The following KIF23 variants were observed in gnomAD, a reference collection of about 807,000 sequenced individuals.
The protein encoded by KIF23 is kinesin-like protein KIF23.
KIF23 carries 30 observed loss-of-function variants against 137.5 expected under a neutral mutation model. The observed-to-expected ratio is 0.22, with a 90% CI of 0.16 to 0.30. The LOEUF is 0.30. Among genes scored for constraint, KIF23 ranks in the 10% least tolerant of loss-of-function variants. The probability of loss-of-function intolerance (pLI) is 1.00; values close to 1 mark genes in which losing one functional copy is unlikely to be tolerated. For missense variants in KIF23, 920 were observed against 1,194.3 expected, an observed-to-expected ratio of 0.77 and a Z score of 3.38; for synonymous variants, 367 against 391.1, an observed-to-expected ratio of 0.94 and a Z score of 0.73.
At position 69,441,080 on chromosome 15, in the gene KIF23, G is replaced by A. The variant is rs1266628136; in HGVS notation, c.2421+1G>A. ...AATAGAAGAGGATCATTGCGGCAGG[G>A]TTAGTGCCAGTATTATTTTAACGCA... is the stretch of plus-strand genomic sequence containing the variant. On this transcript the variant is annotated splice_donor_variant, in intron 19 of 23. Coordinates refer to ENST00000679126, the MANE Select transcript of KIF23 (RefSeq NM_001367805.3). LOFTEE classifies it high-confidence loss of function. The A allele has an allele frequency of 1.2e-6, 2 of 1,600,500 alleles. No individual in the cohort carries two copies. The highest frequency in any genetic ancestry group is 1.7e-6 in the Non-Finnish European group (2 of 1,171,458).
intron 19 of KIF23, among the ~76,000 whole-genome samples, chr15:69,443,454 T>G (rs748000884): frequency 4.9e-5 from 7 of 143,128 alleles, no homozygotes; most frequent in Non-Finnish European, 7.6e-5. Flanking sequence ...TCGTTCTACC[T>G]CAGCCTCCTG....
chr15:69,437,437 C>T (rs936095709), intron 15 of KIF23, among the ~76,000 whole-genome samples: 1 of 149,126 alleles, frequency 6.7e-6, no homozygotes, highest in Admixed American at 6.7e-5. Context: ...GAATGTATCT[C>T]AGTGAATGAA....
In KIF23 at chr15:69,446,751, G is replaced by A. The variant is rs147037989; in HGVS notation, c.2839-120G>A. ...GAGTGACTGGTGTTTTAACGTAAGA[G>A]TCTTTGCTGAACTAGAAAGCAATAT... On this transcript the variant is annotated intron_variant, in intron 22 of 23. Transcript: ENST00000679126. The A allele has an allele frequency of 4.5e-4, 407 of 899,156 alleles. 4 individuals carry two copies. In the East Asian group the frequency reaches 9.7e-3, roughly 21 times the overall value. The allele number at this position is 899,156 out of a possible 1,614,324, so 55.7% of individuals were successfully genotyped here. A position where few individuals can be genotyped will look rare whatever the true frequency, so the allele number is the denominator to read the frequency against.
intron 18 of KIF23, 75 bp downstream of exon 18, chr15:69,440,562 G>A (rs1384303240): frequency 4.4e-6 from 6 of 1,352,198 alleles, no homozygotes; most frequent in Non-Finnish European, 6.0e-6. Context: ...TTTCTATGAG[G>A]ATTTTTACAT....
chr15:69,426,127 A>T lies in KIF23; in HGVS notation c.834A>T (p.Gly278=). 2 of 1,609,936 alleles carry T rather than the reference A, an allele frequency of 1.2e-6. No individual in the cohort carries two copies. The highest frequency in any genetic ancestry group is 1.7e-6 in the Non-Finnish European group (2 of 1,179,244). Residue 278 remains glycine, a synonymous_variant, in exon 9 of 24, where the codon GGA becomes GGT. Transcript: ENST00000679126. ...EDKNHNMYVA[G]CTEVEVKSTE... is the part of the protein sequence containing the mutation. ...AGAACCATAACATGTATGTTGCAGGATGTACAGAAGTTGAAGTGAAATCTA... is the reference window on the plus strand; with the variant it reads ...AGAACCATAACATGTATGTTGCAGGTTGTACAGAAGTTGAAGTGAAATCTA...
At chr15:69,443,040 G>A (rs1209030106) in intron 19 of KIF23, among the ~76,000 whole-genome samples, 3 of 152,134 alleles carry the variant, frequency 2.0e-5, no homozygotes, top group Non-Finnish European at 4.4e-5. Context: ...TTGCTAAATG[G>A]TAGATGATAA....
chr15:69,426,336 G>C lies in KIF23; in HGVS notation c.890G>C (p.Gly297Ala). 1 of 1,614,030 alleles carries C rather than the reference G, an allele frequency of 6.2e-7. No homozygotes were observed. Among genetic ancestry groups the C allele is most frequent in the African/African-American group, 1.3e-5 (1 of 75,012 alleles). The change falls in exon 10 of 24, where the codon GGC becomes GCC. Residue 297 changes from glycine to alanine, a missense_variant and splice_region_variant. Gly to Ala is a moderately conservative substitution (Grantham distance 60, BLOSUM62 0). Coordinates refer to ENST00000679126, the MANE Select transcript of KIF23 (RefSeq NM_001367805.3). ...ACCAATGATTTCTCTGTTGTCCTAG[G>C]CCAGAAAAAGAGACGTATTGCTAAT... ...TEEAFEVFWR[G>A]QKKRRIANTH...
chr15:69,426,284 A>AT (rs2057189296), intron 9 of KIF23, 52 bp from the exon 10 acceptor site: 1 of 1,609,836 alleles, frequency 6.2e-7, no homozygotes, highest in Admixed American at 1.7e-5. Context: ...GAAAGCATGT[A>AT]TAATGAAATG....
Position 69,440,039 on chromosome 15 carries a change from A to G in KIF23, c.1891A>G (p.Met631Val), listed in dbSNP as rs1488098746. 1 of 1,613,938 alleles carries G rather than the reference A, an allele frequency of 6.2e-7. No homozygotes were observed. The highest frequency in any genetic ancestry group is 1.1e-5 in the South Asian group (1 of 91,062). ...KRRLEARLQG[M>V]VTETTMKWEK... ...CAGATTAGAAGCCAGGTTGCAAGGCATGGTGACAGAAACGACAATGAAGTG... is the reference window on the plus strand; with the variant it reads ...CAGATTAGAAGCCAGGTTGCAAGGCGTGGTGACAGAAACGACAATGAAGTG... The change falls in exon 17 of 24, where the codon ATG (methionine) becomes GTG (valine). Residue 631 changes from methionine to valine, a missense_variant. This residue lies in a region of KIF23 where 714 missense variants were observed against 866.2 expected (regional missense o/e 0.82). Coordinates refer to ENST00000679126, the MANE Select transcript of KIF23 (RefSeq NM_001367805.3).
intron 19 of KIF23, among the ~76,000 whole-genome samples, chr15:69,443,326 G>GTTTTT (rs10538305): frequency 8.5e-5 from 5 of 58,598 alleles, no homozygotes; most frequent in East Asian, 5.2e-4. Context: ...TGTTTTTTGG[G>GTTTTT]TTTTTTTTTT....
rs977154778 is a variant in KIF23, at chr15:69,447,166, G to T, written c.2909+225G>T. On this transcript the variant is annotated intron_variant, in intron 23 of 23. Coordinates refer to ENST00000679126, the MANE Select transcript of KIF23 (RefSeq NM_001367805.3). ...GAGCAATCAGAGCTGCAAGGCAGGC[G>T]GTGGTGGAAGATTGGTGGCTCATGT... Among the ~76,000 whole-genome samples the T allele has an allele frequency of 2.0e-5, 3 of 152,336 alleles. No homozygotes were observed. In the South Asian group the frequency reaches 6.2e-4, roughly 32 times the overall value.
intron 3 of KIF23, among the ~76,000 whole-genome samples, chr15:69,418,632 C>G (rs1411219165): frequency 6.6e-6 from 1 of 152,170 alleles, no homozygotes; most frequent in Non-Finnish European, 1.5e-5. Context: ...CCACCCTAGT[C>G]TGAGCCCCAT....
chr15:69,414,391 C>T lies in KIF23; in HGVS notation c.-75C>T, dbSNP rs1461357318. 3.9e-6 allele frequency: 6 copies of T among 1,545,138 alleles called. No homozygotes were observed. In the African/African-American group the frequency reaches 5.5e-5, roughly 14 times the overall value. On this transcript the variant is annotated 5_prime_UTR_variant, in exon 1 of 24. Transcript: ENST00000679126. ...AGCCGCGAAGTTCTAGTTCTTGCTG[C>T]CGGTCCTAACGTCCCGCAGTCTTCG...
chr15:69,424,619 T>C (rs912230400), intron 7 of KIF23, among the ~76,000 whole-genome samples: 3 of 152,162 alleles, frequency 2.0e-5, no homozygotes, highest in Admixed American at 6.5e-5. Context: ...CGCCTTAGCC[T>C]CCTAAGTAGC....
chr15:69,416,913 C>T (rs2056927591), intron 2 of KIF23, among the ~76,000 whole-genome samples: 1 of 151,792 alleles, frequency 6.6e-6, no homozygotes, highest in Non-Finnish European at 1.5e-5. Flanking sequence ...CATGCCATTG[C>T]ACTCCAGCCT....
rs374755675 is a variant in KIF23 at position 69,421,770 on chromosome 15, G to C, written c.316+18G>C. 3.9e-6 allele frequency: 6 copies of C among 1,544,382 alleles called. No individual in the cohort carries two copies. In the African/African-American group the frequency reaches 8.2e-5, roughly 21 times the overall value. ...CAAAAATGGTATGATATGACTCTTG[G>C]AGTTTTGTTAGATTTTCCTTTTTCT... On this transcript the variant is annotated intron_variant, in intron 4 of 23. Coordinates refer to ENST00000679126, the MANE Select transcript of KIF23 (RefSeq NM_001367805.3).
rs529867929 is a variant in KIF23 at position 69,444,601 on chromosome 15, A to G, written c.2422-189A>G. The G allele has an allele frequency of 1.7e-6, 1 of 593,606 alleles. No individual in the cohort carries two copies. The highest frequency in any genetic ancestry group is 2.9e-6 in the Non-Finnish European group (1 of 347,466). The allele number at this position is 593,606 out of a possible 1,614,324, so 36.8% of individuals were successfully genotyped here. On this transcript the variant is annotated intron_variant, in intron 19 of 23. Transcript: ENST00000679126. The surrounding 1 kb of genome is among the most constrained non-coding windows in gnomAD (Gnocchi z 4.2). The stretch of plus-strand genomic sequence containing the variant: ...GGGAAACTCCCAGATAGAATGTGTA[A>G]CATACAAGTTGGTGTTAAAGATGTT...
At chr15:69,419,180 T>C (rs1003314181) in intron 3 of KIF23, among the ~76,000 whole-genome samples, 1 of 152,168 alleles carries the variant, frequency 6.6e-6, no homozygotes, top group Admixed American at 6.6e-5. Flanking sequence ...TTAAGTAGTC[T>C]GGTAACCAAT....
intron 11 of KIF23, among the ~76,000 whole-genome samples, chr15:69,431,287 G>T (rs1050005070): frequency 3.3e-5 from 5 of 152,218 alleles, no homozygotes; most frequent in African/African-American, 1.2e-4. Flanking sequence ...GAGAGATTTT[G>T]ACTTGAGGTT....
Sources: allele counts gnomAD v4.1 joint callset (sites outside exome capture counted in the v4.1 genomes callset), GRCh38; gene constraint gnomAD v4.1.1; regional missense constraint gnomAD v4.1.1; non-coding constraint Gnocchi (gnomAD v3.1); transcripts MANE v1.5; gene names NCBI Gene and HGNC (gene_info 2026-07-23, HGNC 2026-07-21).